Variants in VPS13D observed in about 807,000 individuals in gnomAD.
VPS13D encodes the protein intermembrane lipid transfer protein VPS13D.
Under a neutral mutation model 461.9 loss-of-function variants are expected in VPS13D, and 187 were observed. The observed-to-expected ratio is 0.40, with a 90% CI of 0.36 to 0.46. The LOEUF (loss-of-function observed/expected upper bound fraction) is 0.46, where lower values mean the gene tolerates loss of function less well. Among genes scored for constraint, VPS13D ranks in the 20% least tolerant of loss-of-function variants. The pLI is 0.60. For synonymous variants in VPS13D, 1,951 were observed against 1,986.3 expected (o/e 0.98, Z 0.47); for missense variants, 4,711 against 5,364.9 (o/e 0.88, Z 3.81).
chr1:12,258,277 C>G (rs1345392745), intron 10 of VPS13D, among the ~76,000 whole-genome samples, 174 bp downstream of exon 10: 1 of 152,178 alleles, frequency 6.6e-6, no homozygotes, highest in Non-Finnish European at 1.5e-5. Flanking sequence ...GCATCCTCCA[C>G]CTTCTGCTGC....
chr1:12,495,359 C>T lies in VPS13D; in HGVS notation c.12663-2141C>T, dbSNP rs1026779648. On this transcript the variant is annotated intron_variant, in intron 67 of 69. Transcript: ENST00000620676. This position sits in a 1 kb window ranked among gnomAD's most constrained non-coding sequence, Gnocchi z 4.0. Reference sequence around the variant, plus strand: ...TTTTTAGTAGTATTTTTAGTTTCACCGTGTTAGCCAGGATGATCTTGATCT... The same window carrying T: ...TTTTTAGTAGTATTTTTAGTTTCACTGTGTTAGCCAGGATGATCTTGATCT... Among the ~76,000 whole-genome samples the T allele has an allele frequency of 3.3e-5, 5 of 151,982 alleles. No individual in the cohort carries two copies. The highest frequency in any genetic ancestry group is 7.3e-5 in the African/African-American group (3 of 41,366).
At chr1:12,360,569 C>T (rs1318150716) in intron 50 of VPS13D, among the ~76,000 whole-genome samples, 1 of 152,156 alleles carries the variant, frequency 6.6e-6, no homozygotes, top group Non-Finnish European at 1.5e-5. Context: ...AAATTAGATA[C>T]ATCTTTTGTA....
chr1:12,260,490 TCTA>T (rs1429952942), intron 10 of VPS13D, among the ~76,000 whole-genome samples, 200 bp from the exon 11 acceptor site: 1 of 152,126 alleles, frequency 6.6e-6, no homozygotes, highest in Admixed American at 6.5e-5. Flanking sequence ...CCAAATAACA[TCTA>T]CTGGATTATA....
chr1:12,335,018 G>T (rs1643415289), intron 38 of VPS13D, among the ~76,000 whole-genome samples: 1 of 152,144 alleles, frequency 6.6e-6, no homozygotes, highest in Non-Finnish European at 1.5e-5. Context: ...TAGGTGTGGT[G>T]CACTGTAATT....
At chr1:12,428,391 G>A (rs993406417) in intron 65 of VPS13D, among the ~76,000 whole-genome samples, 7 of 152,216 alleles carry the variant, frequency 4.6e-5, no homozygotes, top group Non-Finnish European at 8.8e-5. Context: ...AAGCCCTCCA[G>A]TGCCATTCCT....
intron 55 of VPS13D, 60 bp downstream of exon 55, chr1:12,373,918 G>A: frequency 2.3e-6 from 3 of 1,325,520 alleles, no homozygotes; most frequent in Non-Finnish European, 3.1e-6. Flanking sequence ...ACGGGACTCA[G>A]GATCACCCAG....
chr1:12,293,487 GCTGTTAT>G (rs1557690968), intron 23 of VPS13D, 30 bp from the exon 24 acceptor site: 1 of 1,541,814 alleles, frequency 6.5e-7, no homozygotes, highest in Non-Finnish European at 8.8e-7. Context: ...CTTGTGTCTT[GCTGTTAT>G]CTGAGTCACA....
At chr1:12,381,635 G>A (rs1392144427) in intron 57 of VPS13D, among the ~76,000 whole-genome samples, 3 of 152,210 alleles carry the variant, frequency 2.0e-5, no homozygotes, top group African/African-American at 7.2e-5. Context: ...AGTCACAGCA[G>A]CCATACTTCC....
chr1:12,264,272 T>C (rs1380168565), intron 13 of VPS13D, among the ~76,000 whole-genome samples: 1 of 152,194 alleles, frequency 6.6e-6, no homozygotes, highest in Non-Finnish European at 1.5e-5. Context: ...AACCCTACAA[T>C]GGCTTCTAAA....
chr1:12,350,146 GAAATC>G (rs1643762949), intron 46 of VPS13D, among the ~76,000 whole-genome samples: 1 of 152,072 alleles, frequency 6.6e-6, no homozygotes. Flanking sequence ...ATAGAACAAA[GAAATC>G]AATAAATATG....
chr1:12,447,437 A>G (rs1645206706), intron 65 of VPS13D, among the ~76,000 whole-genome samples: 1 of 152,196 alleles, frequency 6.6e-6, no homozygotes, highest in Non-Finnish European at 1.5e-5. Context: ...GAGGCCCCAA[A>G]GACAGTGGCT....
At position 12,378,469 on chromosome 1, in the gene VPS13D, A is replaced by G; in HGVS notation, c.10959A>G (p.Thr3653=). The change falls in exon 56 of 70, where the codon ACA becomes ACG. Residue 3653 remains threonine (T), a synonymous_variant. Transcript: ENST00000620676. ...CTCAGCTGTGGAGGATGACAGGAAC[A>G]GGAATGCTGGCCCATGAGGGCTCCT... ...KRSQLWRMTG[T]GMLAHEGSSV... The G allele has an allele frequency of 1.2e-6, 2 of 1,612,156 alleles. No homozygotes were observed. The highest frequency in any genetic ancestry group is 2.2e-5 in the South Asian group (2 of 90,762).
chr1:12,379,899 G>GCTGAGCTACTCGGTGCCCGCCGAGTA (rs2101643993), intron 57 of VPS13D, among the ~76,000 whole-genome samples: 1 of 152,044 alleles, frequency 6.6e-6, no homozygotes, highest in African/African-American at 2.4e-5. Flanking sequence ...CTCCCGAGTA[G>GCTGAGCTACTCGGTGCCCGCCGAGTA]CTGGGACTAC....
intron 13 of VPS13D, among the ~76,000 whole-genome samples, chr1:12,264,216 T>C (rs1205236061): frequency 6.6e-6 from 1 of 152,198 alleles, no homozygotes; most frequent in Admixed American, 6.5e-5. Context: ...TTTCCTCTCC[T>C]GGGGCCTCCC....
chr1:12,404,314 T>C (rs1053628284), intron 63 of VPS13D, among the ~76,000 whole-genome samples: 4 of 152,192 alleles, frequency 2.6e-5, no homozygotes, highest in African/African-American at 9.7e-5. Context: ...TTTCCTAAAG[T>C]TGTGTCCAGG....
chr1:12,474,324 C>T (rs141377978), intron 67 of VPS13D, among the ~76,000 whole-genome samples: 29 of 152,208 alleles, frequency 1.9e-4, no homozygotes, highest in African/African-American at 6.7e-4. Flanking sequence ...TTATATTTTC[C>T]AGACGCATGA....
chr1:12,431,471 A>C (rs1644991156), intron 65 of VPS13D, among the ~76,000 whole-genome samples: 1 of 150,368 alleles, frequency 6.7e-6, no homozygotes, highest in Admixed American at 6.7e-5. Flanking sequence ...ATGATTGTTG[A>C]GACTGGGCCG....
At chr1:12,431,780 G>A (rs1384229790) in intron 65 of VPS13D, among the ~76,000 whole-genome samples, 1 of 152,068 alleles carries the variant, frequency 6.6e-6, no homozygotes, top group East Asian at 1.9e-4. Flanking sequence ...GCTCCTTAAA[G>A]CACCTTCTAT....
chr1:12,438,929 C>T (rs936016676), intron 65 of VPS13D, among the ~76,000 whole-genome samples: 2 of 152,164 alleles, frequency 1.3e-5, no homozygotes, highest in East Asian at 1.9e-4. Flanking sequence ...TCGGTCATGC[C>T]GCATGTCCAG....
Sources: gnomAD v4.1 joint callset for allele counts (sites outside exome capture counted in the v4.1 genomes callset) on GRCh38, gnomAD v4.1.1 for gene constraint, Gnocchi (gnomAD v3.1) non-coding constraint, MANE v1.5 for transcripts, NCBI Gene and HGNC (gene_info 2026-07-23, HGNC 2026-07-21) for gene names.